Variants in SMIM23 observed in about 807,000 individuals in gnomAD.
SMIM23 encodes CTB-78H18.1.
SMIM23 carries 10 observed loss-of-function variants against 12.8 expected under a neutral mutation model. That is an observed-to-expected ratio of 0.78 (90% CI 0.48 to 1.32). The LOEUF (loss-of-function observed/expected upper bound fraction) is 1.32, where lower values mean the gene tolerates loss of function less well. Among genes scored for constraint, SMIM23 ranks in the 40% most tolerant of loss-of-function variants. The probability of loss-of-function intolerance (pLI) is 0.00; values close to 1 mark genes in which losing one functional copy is unlikely to be tolerated. For synonymous variants in SMIM23, 78 were observed against 80.1 expected (o/e 0.97, Z 0.14); for missense variants, 184 against 198.2 (o/e 0.93, Z 0.43).
chr5:171,785,536 C>T (rs559780024), upstream of SMIM23, among the ~76,000 whole-genome samples: 13 of 152,074 alleles, frequency 8.5e-5, no homozygotes, highest in African/African-American at 1.2e-4. Flanking sequence ...AGGTGTGAGC[C>T]ACTGCACCCA....
At chr5:171,781,771 G>A (rs1755731717), upstream of SMIM23, among the ~76,000 whole-genome samples, 1 of 152,190 alleles carries the variant, frequency 6.6e-6, no homozygotes, top group South Asian at 2.1e-4. Context: ...GAGAGGTGAG[G>A]CCAGCTGGAC....
At chr5:171,781,654 T>C (rs148377110), upstream of SMIM23, among the ~76,000 whole-genome samples, 59 of 152,188 alleles carry the variant, frequency 3.9e-4, 1 homozygote, top group African/African-American at 1.4e-3. Flanking sequence ...CCAGACAACG[T>C]AGCTGCTTTA....
chr5:171,786,058 G>A (rs1022813758), intron 1 of SMIM23, 82 bp downstream of exon 1: 6 of 1,149,802 alleles, frequency 5.2e-6, no homozygotes, highest in Non-Finnish European at 7.5e-6. Flanking sequence ...GTCCCTCAAA[G>A]CCCGGAATGA....
chr5:171,773,922 A>G, the SMIM23 span: 220 of 441,922 alleles, frequency 5.0e-4, 1 homozygote, highest in Non-Finnish European at 9.2e-4. Flanking sequence ...TTGGAGGACT[A>G]CACCAAGGAG....
At chr5:171,774,378 C>T in the SMIM23 span, 5 of 455,606 alleles carry the variant, frequency 1.1e-5, no homozygotes, top group Middle Eastern at 3.3e-4. Flanking sequence ...CAGGAAGGAG[C>T]CCACGCAGGG....
chr5:171,773,982 T>C, the SMIM23 span: 1 of 385,226 alleles, frequency 2.6e-6, no homozygotes, highest in Admixed American at 3.2e-5. Context: ...ACATACGCCA[T>C]TTGTGCATTT....
In SMIM23 at chr5:171,785,913, A is replaced by T; in HGVS notation, c.42A>T (p.Ala14=). 1 of 1,536,268 alleles carries T rather than the reference A, an allele frequency of 6.5e-7. No individual in the cohort carries two copies. Among genetic ancestry groups the T allele is most frequent in the South Asian group, 1.2e-5 (1 of 84,060 alleles). The part of the protein sequence containing the change: ...QQVDSRRQVA[A]EQVAAQLLER... Reference sequence around the variant, plus strand: ...TGGACAGCAGAAGGCAGGTGGCAGCAGAGCAGGTGGCAGCCCAGCTGCTTG... The same window carrying T: ...TGGACAGCAGAAGGCAGGTGGCAGCTGAGCAGGTGGCAGCCCAGCTGCTTG... The change falls in exon 1 of 4, where the codon GCA becomes GCT. Residue 14 remains alanine, a synonymous_variant. Coordinates refer to ENST00000523047, the MANE Select transcript of SMIM23 (RefSeq NM_001289970.2).
At position 171,787,171 on chromosome 5, in the gene SMIM23, C is replaced by T. The variant is rs575941743; in HGVS notation, c.105+1195C>T. Among the ~76,000 whole-genome samples, 3 of 152,078 alleles carry T rather than the reference C, an allele frequency of 2.0e-5. No homozygotes were observed. The South Asian group carries it at 6.2e-4, about 32-fold the overall frequency. ...AGCAGCTGGGACTACAGGCGCCCGC[C>T]ACCACACCCAGTTAATTTTTGTATT... On this transcript the variant is annotated intron_variant, in intron 1 of 3. Transcript: ENST00000523047.
intron 2 of SMIM23, 80 bp from the exon 3 acceptor site, chr5:171,790,399 TTCA>T: frequency 6.6e-7 from 1 of 1,505,528 alleles, no homozygotes; most frequent in Non-Finnish European, 8.9e-7. Context: ...CCACTGACCC[TTCA>T]TCACACTGGG....
At chr5:171,776,600 G>C in the SMIM23 span, among the ~76,000 whole-genome samples, 1 of 152,186 alleles carries the variant, frequency 6.6e-6, no homozygotes, top group African/African-American at 2.4e-5. Context: ...ACCACTGATA[G>C]GGTCTCAGGA....
At chr5:171,790,716 C>T in intron 3 of SMIM23, 79 bp from the exon 4 acceptor site, 7 of 1,496,194 alleles carry the variant, frequency 4.7e-6, no homozygotes, top group African/African-American at 2.8e-5. Context: ...GCCCAGGGAT[C>T]TTTTTGAAAC....
chr5:171,790,397 C>A, intron 2 of SMIM23, 85 bp from the exon 3 acceptor site: 6 of 1,500,950 alleles, frequency 4.0e-6, no homozygotes, highest in African/African-American at 1.4e-5. Flanking sequence ...TCCCACTGAC[C>A]CTTCATCACA....
chr5:171,781,551 CT>C (rs557356655), upstream of SMIM23, among the ~76,000 whole-genome samples: 10,026 of 151,182 alleles, frequency 0.066, 841 homozygotes, highest in African/African-American at 0.2. Context: ...CCCCCCGTCT[CT>C]AGAGCTGTTT....
chr5:171,774,114 G>A, the SMIM23 span, among the ~76,000 whole-genome samples: 1 of 152,144 alleles, frequency 6.6e-6, no homozygotes, highest in African/African-American at 2.4e-5. Context: ...GTAAGGATTG[G>A]GTGAGATCAA....
At chr5:171,789,582 T>C (rs1755884261) in intron 1 of SMIM23, among the ~76,000 whole-genome samples, 1 of 152,128 alleles carries the variant, frequency 6.6e-6, no homozygotes, top group Non-Finnish European at 1.5e-5. Flanking sequence ...ATAAAATAAA[T>C]ACTCATCAAT....
At position 171,790,990 on chromosome 5, in the gene SMIM23, T is replaced by C; in HGVS notation, c.421T>C (p.Tyr141His). 6.5e-7 allele frequency: 1 copy of C among 1,535,808 alleles called. No individual in the cohort carries two copies. The change falls in exon 4 of 4, where the codon TAT (tyrosine) becomes CAT (histidine). Residue 141 changes from tyrosine (Y) to histidine (H), a missense_variant. Physicochemically the swap from Tyr to His is moderately conservative, Grantham distance 83. Transcript: ENST00000523047. Reference sequence around the variant, plus strand: ...ACACCAGGAGGAGCACTGCTCCACATATAAAAGTCACTTGTGGGAGTGGGC... The same window carrying C: ...ACACCAGGAGGAGCACTGCTCCACACATAAAAGTCACTTGTGGGAGTGGGC... ...EPHQEEHCST[Y>H]KSHLWEWAWA... is the part of the protein sequence containing the mutation.
upstream of SMIM23, among the ~76,000 whole-genome samples, chr5:171,781,770 G>A (rs187043722): frequency 1.2e-3 from 189 of 152,326 alleles, no homozygotes; most frequent in African/African-American, 4.3e-3. Context: ...TGAGAGGTGA[G>A]GCCAGCTGGA....
chr5:171,784,109 T>A (rs1418184271), upstream of SMIM23, among the ~76,000 whole-genome samples: 3 of 151,554 alleles, frequency 2.0e-5, no homozygotes, highest in South Asian at 2.1e-4. Context: ...TAATAAAATT[T>A]AAAAAAAAGA....
chr5:171,776,033 G>A, the SMIM23 span, among the ~76,000 whole-genome samples: 42,731 of 151,990 alleles, frequency 0.28, 6,154 homozygotes, highest in East Asian at 0.4. Flanking sequence ...CACCATGCCC[G>A]GCTAATTTTG....
Sources: gnomAD v4.1 joint callset for allele counts (sites outside exome capture counted in the v4.1 genomes callset) on GRCh38, gnomAD v4.1.1 for gene constraint, MANE v1.5 for transcripts, NCBI Gene and HGNC (gene_info 2026-07-23, HGNC 2026-07-21) for gene names.